The following TMEM33 variants were observed in gnomAD, a reference collection of about 807,000 sequenced individuals.
TMEM33 encodes the protein transmembrane protein 33.
Under a neutral mutation model 29.7 loss-of-function variants are expected in TMEM33, and 16 were observed. The ratio of observed to expected loss-of-function variants is 0.54; its 90% CI spans 0.36 to 0.82. The LOEUF (loss-of-function observed/expected upper bound fraction) is 0.82. TMEM33 is among the 40% of genes least tolerant of loss of function. TMEM33 has a pLI of 0.00. For synonymous variants in TMEM33, 112 were observed against 109.4 expected (o/e 1.02, Z -0.15); for missense variants, 252 against 295.3 (o/e 0.85, Z 1.08).
chr4:41,951,736 C>T (rs1220203537), intron 6 of TMEM33, among the ~76,000 whole-genome samples: 1 of 152,142 alleles, frequency 6.6e-6, no homozygotes, highest in East Asian at 1.9e-4. Flanking sequence ...AATAAGAATT[C>T]ACTGAGGAGG....
intron 3 of TMEM33, chr4:41,939,721 T>C (rs1712427855): frequency 4.3e-6 from 2 of 460,340 alleles, no homozygotes; most frequent in Non-Finnish European, 8.7e-6. Context: ...TTTGGCAAAG[T>C]GTCCAGATGT....
chr4:41,953,028 A>AAT (rs904855666), intron 6 of TMEM33, among the ~76,000 whole-genome samples: 1 of 151,814 alleles, frequency 6.6e-6, no homozygotes, highest in African/African-American at 2.4e-5. Flanking sequence ...GTGACTCTAA[A>AAT]ATATATATAT....
rs1288937457 is a variant in TMEM33, at chr4:41,957,288, A to G, written c.*3089A>G. ...TTAGGTTTTTTTTTTTTTTTTTGGA[A>G]TGAAGTTCAGAGGTAGATCCTCCTG... On this transcript the variant is annotated 3_prime_UTR_variant, in exon 7 of 7. Coordinates refer to ENST00000504986, the MANE Select transcript of TMEM33 (RefSeq NM_018126.3). 3 of 131,046 alleles carry G rather than the reference A, an allele frequency of 2.3e-5. No individual in the cohort carries two copies. The highest frequency in any genetic ancestry group is 4.7e-5 in the Non-Finnish European group (3 of 63,264). The allele number at this position is 131,046 out of a possible 1,614,324, so 8.1% of individuals were successfully genotyped here.
chr4:41,949,683 C>T (rs1712954308), intron 6 of TMEM33, among the ~76,000 whole-genome samples: 1 of 152,064 alleles, frequency 6.6e-6, no homozygotes, highest in African/African-American at 2.4e-5. Context: ...GTTGAAGAAA[C>T]AAAACACGTG....
rs906573541 is a variant in TMEM33 at position 41,945,029 on chromosome 4, C to T, written c.530+103C>T. The T allele has an allele frequency of 9.9e-6, 14 of 1,408,000 alleles. No individual in the cohort carries two copies. The African/African-American group carries it at 1.6e-4, about 16-fold the overall frequency. 87.2% of individuals were successfully genotyped at this position (1,408,000 alleles called of 1,614,324 possible). ...TAAATCTGTTGAAGGTAGGTATTGA[C>T]ATGTAGAGCTAAATGAATCTTAGCA... is the stretch of plus-strand genomic sequence containing the variant. On this transcript the variant is annotated intron_variant, in intron 5 of 6. Transcript: ENST00000504986.
Position 41,954,506 on chromosome 4 carries a change from A to G in TMEM33, c.*307A>G, listed in dbSNP as rs893958717. ...TGAAGTACATTAATTTCTCATGTAA[A>G]AAAAATAGCTCTAAAATTTGTTTCA... On this transcript the variant is annotated 3_prime_UTR_variant, in exon 7 of 7. Transcript: ENST00000504986. 2 of 178,490 alleles carry G rather than the reference A, an allele frequency of 1.1e-5. No homozygotes were observed. The highest frequency in any genetic ancestry group is 1.2e-4 in the Admixed American group (2 of 17,090). 11.1% of individuals were successfully genotyped at this position (178,490 alleles called of 1,614,324 possible).
In TMEM33 at chr4:41,939,260, A is replaced by C. The variant is rs1712400248; in HGVS notation, c.205A>C (p.Arg69=). Reference sequence around the variant, plus strand: ...GGCAAATGCTCTTACCAGTGCTCTGAGGCTGCATCAAAGATTACCACACTT... The same window carrying C: ...GGCAAATGCTCTTACCAGTGCTCTGCGGCTGCATCAAAGATTACCACACTT... ...LLANALTSAL[R]LHQRLPHFQL... Residue 69 remains arginine (R), a synonymous_variant, in exon 3 of 7, where the codon AGG becomes CGG. Coordinates refer to ENST00000504986, the MANE Select transcript of TMEM33 (RefSeq NM_018126.3). 6.2e-6 allele frequency: 10 copies of C among 1,613,274 alleles called. No homozygotes were observed. Among genetic ancestry groups the C allele is most frequent in the African/African-American group, 1.3e-5 (1 of 74,860 alleles).
rs1712494191 is a variant in TMEM33, at chr4:41,940,650, A to T, written c.328+1267A>T. 2.6e-5 allele frequency among the ~76,000 whole-genome samples: 4 copies of T among 152,050 alleles called. No individual in the cohort carries two copies. The South Asian group carries it at 8.3e-4, about 32-fold the overall frequency. On this transcript the variant is annotated intron_variant, in intron 3 of 6. Transcript: ENST00000504986. Reference sequence around the variant, plus strand: ...TGGCGAAACCCCATCTCTACTAAAAATACAAAAAATTAGCTGGGCATGGTG... The same window carrying T: ...TGGCGAAACCCCATCTCTACTAAAATTACAAAAAATTAGCTGGGCATGGTG...
rs1434636605 is a variant in TMEM33 at position 41,956,331 on chromosome 4, AG to A, written c.*2134del. The A allele has an allele frequency of 6.6e-6, 1 of 152,134 alleles. No individual in the cohort carries two copies. Among genetic ancestry groups the A allele is most frequent in the Non-Finnish European group, 1.5e-5 (1 of 68,030 alleles). The allele number at this position is 152,134 out of a possible 1,614,324, so 9.4% of individuals were successfully genotyped here. On this transcript the variant is annotated 3_prime_UTR_variant, in exon 7 of 7. Coordinates refer to ENST00000504986, the MANE Select transcript of TMEM33 (RefSeq NM_018126.3). ...GAGTTCTTTTGCATACCCTTTACTC[AG>A]GTCCTCTCATGTTAACGTTTTACAT...
Position 41,959,117 on chromosome 4 carries a change from G to A in TMEM33, c.*4918G>A, listed in dbSNP as rs969371545. ...TAGCTCAACATTTAGTATACCAAAG[G>A]CATACCCGTGTAAATCTAGGAGTTA... On this transcript the variant is annotated 3_prime_UTR_variant, in exon 7 of 7. Transcript: ENST00000504986. 5 of 152,144 alleles carry A rather than the reference G, an allele frequency of 3.3e-5. No individual in the cohort carries two copies. The highest frequency in any genetic ancestry group is 9.7e-5 in the African/African-American group (4 of 41,420). 9.4% of individuals were successfully genotyped at this position (152,144 alleles called of 1,614,324 possible).
chr4:41,935,220 G>C, upstream of TMEM33: 1 of 574,388 alleles, frequency 1.7e-6, no homozygotes, highest in East Asian at 3.0e-5. Flanking sequence ...CTTCGCTCCC[G>C]TCTTTCTGGA....
chr4:41,949,254 AC>A (rs1404219920), intron 5 of TMEM33, 47 bp from the exon 6 acceptor site: 1 of 1,337,746 alleles, frequency 7.5e-7, no homozygotes, highest in Admixed American at 2.0e-5. Flanking sequence ...GAGAGTATAC[AC>A]ATGAATTGAA....
chr4:41,945,168 A>G (rs916480055), intron 5 of TMEM33, among the ~76,000 whole-genome samples: 1 of 152,200 alleles, frequency 6.6e-6, no homozygotes, highest in Admixed American at 6.5e-5. Flanking sequence ...TTACTTTCAT[A>G]GTTACCACCT....
intron 2 of TMEM33, 97 bp downstream of exon 2, chr4:41,938,793 T>C: frequency 9.1e-7 from 1 of 1,099,712 alleles, no homozygotes; most frequent in Non-Finnish European, 1.4e-6. Flanking sequence ...CTGTAAAGGG[T>C]TTAGGGACAA....
intron 6 of TMEM33, 171 bp from the exon 7 acceptor site, chr4:41,953,899 G>A (rs1577656452): frequency 1.4e-6 from 1 of 724,912 alleles, no homozygotes; most frequent in East Asian, 2.8e-5. Flanking sequence ...GCAGAGACAT[G>A]AAGTGAGCAC....
chr4:41,937,494 A>T (rs999458692), intron 1 of TMEM33, among the ~76,000 whole-genome samples: 1 of 151,446 alleles, frequency 6.6e-6, no homozygotes, highest in Non-Finnish European at 1.5e-5. Flanking sequence ...AATTTTTTAT[A>T]TTTTTTTTTC....
At chr4:41,941,951 T>G (rs896093840) in intron 3 of TMEM33, among the ~76,000 whole-genome samples, 1 of 152,208 alleles carries the variant, frequency 6.6e-6, no homozygotes, top group Non-Finnish European at 1.5e-5. Flanking sequence ...TTGTGAACTA[T>G]AGAATGTTAG....
chr4:41,953,774 A>C lies in TMEM33; in HGVS notation c.615-296A>C, dbSNP rs943280879. 3 of 471,128 alleles carry C rather than the reference A, an allele frequency of 6.4e-6. No individual in the cohort carries two copies. In the East Asian group the frequency reaches 1.9e-4, roughly 30 times the overall value. The allele number at this position is 471,128 out of a possible 1,614,324, so 29.2% of individuals were successfully genotyped here. A position where few individuals can be genotyped will look rare whatever the true frequency, so the allele number is the denominator to read the frequency against. On this transcript the variant is annotated intron_variant, in intron 6 of 6. Transcript: ENST00000504986. ...TATTTGTGCAGTTTGTGGTGCCCCA[A>C]AACAGTTACAATAGTAACACCAAAG...
chr4:41,942,435 C>CT (rs1712584107), intron 3 of TMEM33, among the ~76,000 whole-genome samples: 1 of 152,132 alleles, frequency 6.6e-6, no homozygotes, highest in African/African-American at 2.4e-5. Flanking sequence ...CAATTGGAAA[C>CT]TGGGACCCTT....
Sources: gnomAD v4.1 joint callset for allele counts (sites outside exome capture counted in the v4.1 genomes callset) on GRCh38, gnomAD v4.1.1 for gene constraint, MANE v1.5 for transcripts, NCBI Gene and HGNC (gene_info 2026-07-23, HGNC 2026-07-21) for gene names.